TIAM1: variants seen among roughly 807,000 people sequenced by gnomAD.
The protein encoded by TIAM1 is rho guanine nucleotide exchange factor TIAM1.
TIAM1 carries 65 observed loss-of-function variants against 163.5 expected under a neutral mutation model. The ratio of observed to expected loss-of-function variants is 0.40; its 90% CI spans 0.33 to 0.49. The LOEUF is 0.49. TIAM1 is among the 20% of genes least tolerant of loss of function. The pLI, the probability that TIAM1 is intolerant of heterozygous loss-of-function variation, is 0.77. For synonymous variants in TIAM1, 833 were observed against 810.1 expected (o/e 1.03, Z -0.48); for missense variants, 1,789 against 2,044.7 (o/e 0.87, Z 2.41).
intron 1 of TIAM1, among the ~76,000 whole-genome samples, chr21:31,483,080 G>A (rs1216357325): frequency 6.6e-6 from 1 of 152,170 alleles, no homozygotes; most frequent in Non-Finnish European, 1.5e-5. Flanking sequence ...CATGGTCTTG[G>A]TATCACACCA....
intron 1 of TIAM1, among the ~76,000 whole-genome samples, chr21:31,501,312 C>T (rs1232291659): frequency 6.6e-6 from 1 of 152,054 alleles, no homozygotes; most frequent in Non-Finnish European, 1.5e-5. Context: ...AACCGGGGTG[C>T]TGGATTTTTT....
intron 2 of TIAM1, among the ~76,000 whole-genome samples, chr21:31,320,754 G>C (rs2075283322): frequency 6.6e-6 from 1 of 152,202 alleles, no homozygotes; most frequent in Admixed American, 6.5e-5. Flanking sequence ...AGCACTTTGG[G>C]AGGCCGAAGC....
chr21:31,409,630 T>C (rs2077310616), intron 2 of TIAM1, among the ~76,000 whole-genome samples: 1 of 152,066 alleles, frequency 6.6e-6, no homozygotes, highest in Admixed American at 6.6e-5. Flanking sequence ...CATTCAGACC[T>C]CCGCACCACA....
intron 15 of TIAM1, among the ~76,000 whole-genome samples, chr21:31,175,580 A>C (rs1455032204): frequency 6.6e-6 from 1 of 152,006 alleles, no homozygotes; most frequent in African/African-American, 2.4e-5. Flanking sequence ...TTGTGTTGGA[A>C]TTCTCTCAAT....
At chr21:31,164,165 T>C (rs1356564204) in intron 16 of TIAM1, among the ~76,000 whole-genome samples, 4 of 151,906 alleles carry the variant, frequency 2.6e-5, no homozygotes, top group South Asian at 4.2e-4. Flanking sequence ...CCAAGGCGGG[T>C]GGATCACGAG....
rs2082826960 is a variant in TIAM1 at position 31,141,112 on chromosome 21, C to T, written c.3774+6G>A. 1.9e-6 allele frequency: 3 copies of T among 1,608,828 alleles called. No individual in the cohort carries two copies. The highest frequency in any genetic ancestry group is 1.7e-5 in the Admixed American group (1 of 59,540). On this transcript the variant is annotated splice_donor_region_variant and intron_variant, in intron 22 of 27. Coordinates refer to ENST00000541036, the MANE Select transcript of TIAM1 (RefSeq NM_001353694.2). This position sits in a 1 kb window ranked among gnomAD's most constrained non-coding sequence, Gnocchi z 4.7. ...ACAGATGTCCTGAGAAGATGGGGAC[C>T]CTCACCTCTTTTTTCTCACCAGTCT...
chr21:31,303,955 G>A (rs899453946), intron 2 of TIAM1, among the ~76,000 whole-genome samples: 6 of 152,256 alleles, frequency 3.9e-5, no homozygotes, highest in Admixed American at 3.9e-4. Context: ...TCCAGCCTGG[G>A]CAACAGAGTG....
intron 1 of TIAM1, among the ~76,000 whole-genome samples, chr21:31,492,049 G>GTATA (rs146054323): frequency 2.6e-5 from 4 of 151,656 alleles, no homozygotes; most frequent in Non-Finnish European, 4.4e-5. Flanking sequence ...ATATATGTGT[G>GTATA]TATATATATA....
intron 11 of TIAM1, among the ~76,000 whole-genome samples, chr21:31,208,749 G>GT (rs1448182494): frequency 6.6e-6 from 1 of 152,220 alleles, no homozygotes; most frequent in East Asian, 1.9e-4. Flanking sequence ...GAAGAGCCAT[G>GT]TTTTTTCTTT....
chr21:31,209,218 G>A (rs1692105323), intron 11 of TIAM1, among the ~76,000 whole-genome samples: 1 of 152,174 alleles, frequency 6.6e-6, no homozygotes, highest in Admixed American at 6.5e-5. Flanking sequence ...CAATGGCAAA[G>A]TCTCAGCTCT....
At chr21:31,144,256 A>T (rs2082997058) in intron 20 of TIAM1, among the ~76,000 whole-genome samples, 1 of 152,190 alleles carries the variant, frequency 6.6e-6, no homozygotes, top group African/African-American at 2.4e-5. Flanking sequence ...GCATATGTGG[A>T]ACTGATGGAT....
At chr21:31,155,304 T>C (rs1241381859) in intron 16 of TIAM1, among the ~76,000 whole-genome samples, 2 of 152,236 alleles carry the variant, frequency 1.3e-5, no homozygotes, top group African/African-American at 4.8e-5. Context: ...CTTATGAGAA[T>C]CACTGGGGAG....
intron 2 of TIAM1, among the ~76,000 whole-genome samples, chr21:31,292,678 T>C (rs1569172986): frequency 1.4e-5 from 2 of 148,136 alleles, no homozygotes; most frequent in African/African-American, 5.0e-5. Context: ...CACTTTTTTT[T>C]TTTTTTTTAA....
intron 16 of TIAM1, among the ~76,000 whole-genome samples, chr21:31,162,391 T>C (rs530210992): frequency 1.3e-5 from 2 of 152,062 alleles, no homozygotes; most frequent in East Asian, 1.9e-4. Flanking sequence ...GCTTTTTGCG[T>C]TCAAATACCC....
At chr21:31,501,310 T>C (rs867625542) in intron 1 of TIAM1, among the ~76,000 whole-genome samples, 1 of 151,886 alleles carries the variant, frequency 6.6e-6, no homozygotes, top group Non-Finnish European at 1.5e-5. Context: ...AGAACCGGGG[T>C]GCTGGATTTT....
At chr21:31,441,834 A>G (rs766535021) in intron 2 of TIAM1, among the ~76,000 whole-genome samples, 72 of 149,780 alleles carry the variant, frequency 4.8e-4, no homozygotes, top group Non-Finnish European at 7.4e-4. Context: ...GGATCACTTG[A>G]GCCCAGGAGT....
intron 25 of TIAM1, 62 bp from the exon 26 acceptor site, chr21:31,127,214 G>A (rs1331689113): frequency 6.6e-6 from 10 of 1,508,746 alleles, no homozygotes; most frequent in Non-Finnish European, 9.2e-6. Flanking sequence ...TTACATGTTT[G>A]CAAAAGCATT....
chr21:31,147,723 A>T (rs34714363), intron 19 of TIAM1, among the ~76,000 whole-genome samples: 6 of 144,330 alleles, frequency 4.2e-5, no homozygotes, highest in African/African-American at 7.6e-5. Context: ...ATAATATATA[A>T]AATATATAAT....
At chr21:31,324,743 C>G (rs1463784604) in intron 2 of TIAM1, among the ~76,000 whole-genome samples, 1 of 152,198 alleles carries the variant, frequency 6.6e-6, no homozygotes, top group Non-Finnish European at 1.5e-5. Flanking sequence ...AACTGCCCAA[C>G]TAGAATATGT....
Sources: gnomAD v4.1 joint callset for allele counts (sites outside exome capture counted in the v4.1 genomes callset) on GRCh38, gnomAD v4.1.1 for gene constraint, Gnocchi (gnomAD v3.1) non-coding constraint, MANE v1.5 for transcripts, NCBI Gene and HGNC (gene_info 2026-07-23, HGNC 2026-07-21) for gene names.